ATAD2: variants seen among roughly 807,000 people sequenced by gnomAD.
The protein encoded by ATAD2 is ATPase family AAA domain-containing protein 2.
In ATAD2, 62 loss-of-function variants were observed where a neutral mutation model predicts 168.9. The ratio of observed to expected loss-of-function variants is 0.37; its 90% CI spans 0.30 to 0.45. ATAD2 has a LOEUF of 0.45. Ranked by LOEUF, ATAD2 falls within the 20% of genes least tolerant of loss-of-function variation. The pLI, the probability that ATAD2 is intolerant of heterozygous loss-of-function variation, is 1.00. For synonymous variants in ATAD2, 613 were observed against 571.6 expected, an observed-to-expected ratio of 1.07 and a Z score of -1.03; for missense variants, 1,419 against 1,667.8, an observed-to-expected ratio of 0.85 and a Z score of 2.60.
intron 11 of ATAD2, among the ~76,000 whole-genome samples, chr8:123,358,542 T>C (rs1004544287): frequency 8.6e-5 from 13 of 151,944 alleles, no homozygotes; most frequent in Non-Finnish European, 2.9e-5. Flanking sequence ...AAGACAGGGT[T>C]TCACTATGTT....
chr8:123,346,769 G>C lies in ATAD2; in HGVS notation c.2213-19C>G, dbSNP rs754427266. ...GAAATATCTATAAAACCAAAAAATT[G>C]TACATTAGTAACTTTTGGATTGCAA... On this transcript the variant is annotated intron_variant, in intron 16 of 27. Coordinates refer to ENST00000287394, the MANE Select transcript of ATAD2 (RefSeq NM_014109.4). The C allele has an allele frequency of 1.6e-5, 25 of 1,564,974 alleles. No homozygotes were observed. The highest frequency in any genetic ancestry group is 2.1e-5 in the Non-Finnish European group (24 of 1,160,000).
At chr8:123,325,012 C>T (rs922231533) in intron 26 of ATAD2, among the ~76,000 whole-genome samples, 32 of 150,928 alleles carry the variant, frequency 2.1e-4, no homozygotes, top group African/African-American at 6.3e-4. Context: ...GAGTTCGAGA[C>T]CAGACTGGGC....
At chr8:123,396,518 C>A (rs1812843316), upstream of ATAD2, 1 of 706,900 alleles carries the variant, frequency 1.4e-6, no homozygotes, top group Non-Finnish European at 2.3e-6. Flanking sequence ...GTCCCGCCCA[C>A]GCCACCACCG....
chr8:123,350,002 C>A (rs1462418340), intron 13 of ATAD2, among the ~76,000 whole-genome samples: 1 of 151,160 alleles, frequency 6.6e-6, no homozygotes, highest in Non-Finnish European at 1.5e-5. Flanking sequence ...GGTGACAGAG[C>A]AAGACCTTGT....
intron 27 of ATAD2, among the ~76,000 whole-genome samples, chr8:123,322,125 C>A (rs1827486629): frequency 6.6e-6 from 1 of 151,796 alleles, no homozygotes; most frequent in Admixed American, 6.6e-5. Flanking sequence ...GTAGCTAGGA[C>A]TATGGGTGCA....
intron 1 of ATAD2, among the ~76,000 whole-genome samples, chr8:123,404,905 T>A (rs1449613465): frequency 6.6e-6 from 1 of 152,206 alleles, no homozygotes; most frequent in African/African-American, 2.4e-5. Context: ...TCCAGAATGA[T>A]CTCATTTTGA....
chr8:123,328,432 C>T lies in ATAD2; in HGVS notation c.3626G>A (p.Ser1209Asn), dbSNP rs1269040208. The T allele has an allele frequency of 6.2e-7, 1 of 1,611,360 alleles. No homozygotes were observed. Among genetic ancestry groups the T allele is most frequent in the Admixed American group, 1.7e-5 (1 of 59,660 alleles). ...GTTTCCGGTCTCATTATGATCTACA[C>T]TTGTGTCTTGAGTTTCCTCTGTATC... ...ESDTEETQDT[S>N]VDHNETGNTG... Residue 1209 changes from serine (S) to asparagine (N), a missense_variant, in exon 25 of 28, where the codon AGT (serine) becomes AAT (asparagine). Coordinates refer to ENST00000287394, the MANE Select transcript of ATAD2 (RefSeq NM_014109.4).
At chr8:123,379,890 AT>A (rs71895855) in intron 2 of ATAD2, among the ~76,000 whole-genome samples, 52 of 129,152 alleles carry the variant, frequency 4.0e-4, no homozygotes, top group African/African-American at 1.1e-3. Flanking sequence ...TATTATTATT[AT>A]TTTTTTTTTT....
Position 123,325,887 on chromosome 8 carries a change from A to T in ATAD2, c.4002+6T>A, listed in dbSNP as rs1827601490. ...AGTAAAAGCATTATGATTTCAATTT[A>T]CATACTTTTAATCGCTCATGATCCA... is the stretch of plus-strand genomic sequence containing the variant. On this transcript the variant is annotated splice_donor_region_variant and intron_variant, in intron 26 of 27. Transcript: ENST00000287394. 4 of 1,613,522 alleles carry T rather than the reference A, an allele frequency of 2.5e-6. No individual in the cohort carries two copies. In the East Asian group the frequency reaches 8.9e-5, roughly 36 times the overall value.
At chr8:123,351,481 C>T (rs1014229517) in intron 13 of ATAD2, among the ~76,000 whole-genome samples, 14 of 152,234 alleles carry the variant, frequency 9.2e-5, no homozygotes, top group African/African-American at 2.4e-4. Context: ...GGTTAAAAAA[C>T]GACAGGTCTA....
intron 13 of ATAD2, among the ~76,000 whole-genome samples, chr8:123,355,204 G>C (rs1828603152): frequency 6.6e-6 from 1 of 151,942 alleles, no homozygotes; most frequent in Admixed American, 6.6e-5. Flanking sequence ...AAGTTTAAAA[G>C]GCCATTAGAA....
rs547165790 is a variant in ATAD2, at chr8:123,335,371, G to C, written c.3211+1002C>G. ...AAATGCCTAGGGAAGGTGAGCTAGA[G>C]GACTGGGAGGGAAAGAATAGTAAGC... On this transcript the variant is annotated intron_variant, in intron 22 of 27. Transcript: ENST00000287394. 3.3e-5 allele frequency among the ~76,000 whole-genome samples: 5 copies of C among 152,196 alleles called. No individual in the cohort carries two copies. In the South Asian group the frequency reaches 1.0e-3, roughly 32 times the overall value.
chr8:123,328,302 A>C lies in ATAD2; in HGVS notation c.3756T>G (p.Leu1252=). 6.2e-7 allele frequency: 1 copy of C among 1,604,388 alleles called. No homozygotes were observed. Among genetic ancestry groups the C allele is most frequent in the Non-Finnish European group, 8.5e-7 (1 of 1,176,616 alleles). Reference sequence around the variant, plus strand: ...ATGCTGTAGTCTTCCTAGAGTCTTCAAGCTCATTCTCTATATTACAAGTAT... The same window carrying C: ...ATGCTGTAGTCTTCCTAGAGTCTTCCAGCTCATTCTCTATATTACAAGTAT... ...NSNTCNIENE[L]EDSRKTTACT... is the part of the protein sequence containing the mutation. The change falls in exon 25 of 28, where the codon CTT becomes CTG. Residue 1252 remains leucine (L), a synonymous_variant. Coordinates refer to ENST00000287394, the MANE Select transcript of ATAD2 (RefSeq NM_014109.4).
intron 13 of ATAD2, among the ~76,000 whole-genome samples, 155 bp from the exon 14 acceptor site, chr8:123,349,599 A>C (rs1828381051): frequency 6.6e-6 from 1 of 152,158 alleles, no homozygotes; most frequent in African/African-American, 2.4e-5. Context: ...AAATCTATAA[A>C]ATAACATCCC....
chr8:123,389,403 G>A (rs1016006351), intron 1 of ATAD2, among the ~76,000 whole-genome samples: 11 of 149,128 alleles, frequency 7.4e-5, no homozygotes, highest in African/African-American at 2.7e-4. Context: ...ACTTTGGGAG[G>A]CCAAGGCGGG....
intron 25 of ATAD2, among the ~76,000 whole-genome samples, chr8:123,326,405 C>A (rs1421212868): frequency 1.3e-5 from 2 of 152,052 alleles, no homozygotes; most frequent in Admixed American, 1.3e-4. Context: ...TAGAACACAG[C>A]CTGCCTGTAA....
chr8:123,369,909 T>TTCATCATCTTCA lies in ATAD2; in HGVS notation c.831_842dup (p.Asp277_Asp280dup). 2 of 1,585,648 alleles carry TTCATCATCTTCA rather than the reference T, an allele frequency of 1.3e-6. No individual in the cohort carries two copies. Among genetic ancestry groups the TTCATCATCTTCA allele is most frequent in the Non-Finnish European group, 8.6e-7 (1 of 1,162,038 alleles). ...TCTCTTCTTCTCCATCTTCTTCATC[T>TTCATCATCTTCA]TCATCATCTTCATCATCATCATCAT... is the stretch of plus-strand genomic sequence containing the variant. On this transcript the variant is annotated inframe_insertion, in exon 7 of 28. Coordinates refer to ENST00000287394, the MANE Select transcript of ATAD2 (RefSeq NM_014109.4).
At chr8:123,351,332 T>C (rs1828451614) in intron 13 of ATAD2, among the ~76,000 whole-genome samples, 1 of 152,176 alleles carries the variant, frequency 6.6e-6, no homozygotes. Flanking sequence ...AATTATTTGT[T>C]GTGGAGAGCT....
At chr8:123,410,307 G>A (rs1406453849) in intron 1 of ATAD2, among the ~76,000 whole-genome samples, 1 of 151,686 alleles carries the variant, frequency 6.6e-6, no homozygotes, top group Non-Finnish European at 1.5e-5. Flanking sequence ...TTATTTATTA[G>A]CAGAATTTTG....
Sources: allele counts gnomAD v4.1 joint callset (sites outside exome capture counted in the v4.1 genomes callset), GRCh38; gene constraint gnomAD v4.1.1; transcripts MANE v1.5; gene names NCBI Gene and HGNC (gene_info 2026-07-23, HGNC 2026-07-21).